TANGO2: variants seen among roughly 807,000 people sequenced by gnomAD.
TANGO2 encodes transport and golgi organization 2 homolog.
In TANGO2, 26 loss-of-function variants were observed where a neutral mutation model predicts 39.1. The ratio of observed to expected loss-of-function variants is 0.67; its 90% CI spans 0.49 to 0.92. The LOEUF (loss-of-function observed/expected upper bound fraction) is 0.92, where lower values mean the gene tolerates loss of function less well. Ranked by LOEUF, TANGO2 falls within the 40% of genes least tolerant of loss-of-function variation. The pLI is 0.00. For missense variants in TANGO2, 326 were observed against 360.1 expected, an observed-to-expected ratio of 0.91 and a Z score of 0.77; for synonymous variants, 131 against 144.5, an observed-to-expected ratio of 0.91 and a Z score of 0.67.
rs1440240243 is a variant in TANGO2, at chr22:20,066,609, G to A, written c.*1947G>A. Among the ~76,000 whole-genome samples, 5 of 152,184 alleles carry A rather than the reference G, an allele frequency of 3.3e-5. No individual in the cohort carries two copies. The highest frequency in any genetic ancestry group is 1.9e-4 in the East Asian group (1 of 5,180). On this transcript the variant is annotated 3_prime_UTR_variant, in exon 9 of 9. Coordinates refer to ENST00000327374, the MANE Select transcript of TANGO2 (RefSeq NM_152906.7). ...GAACTCAGAAGAGTTTCCCAGCTGCGACCCAGGCTGCACCCCCAGGCCTGA... is the reference window on the plus strand; with the variant it reads ...GAACTCAGAAGAGTTTCCCAGCTGCAACCCAGGCTGCACCCCCAGGCCTGA...
At chr22:20,061,384 G>A in intron 6 of TANGO2, 146 bp from the exon 7 acceptor site, 1 of 883,750 alleles carries the variant, frequency 1.1e-6, no homozygotes, top group Non-Finnish European at 1.7e-6. Context: ...CATGGGGAAG[G>A]AGCTGGAGCA....
chr22:20,042,166 T>TTG (rs2044088906), intron 2 of TANGO2, among the ~76,000 whole-genome samples: 1 of 151,750 alleles, frequency 6.6e-6, no homozygotes. Flanking sequence ...ATTTTTTTTT[T>TTG]GTAGATATGG....
At chr22:20,061,203 A>G in intron 6 of TANGO2, 1 of 211,838 alleles carries the variant, frequency 4.7e-6, no homozygotes. Flanking sequence ...TGAGGTGAAG[A>G]GGTTCCCTCT....
At chr22:20,049,570 G>GAATC (rs1053043988) in intron 3 of TANGO2, among the ~76,000 whole-genome samples, 1 of 150,768 alleles carries the variant, frequency 6.6e-6, no homozygotes, top group Admixed American at 6.7e-5. Flanking sequence ...TGAGGCAGGA[G>GAATC]AATCACTTGA....
At chr22:20,034,000 G>A (rs1276339761) in intron 1 of TANGO2, among the ~76,000 whole-genome samples, 5 of 152,242 alleles carry the variant, frequency 3.3e-5, no homozygotes, top group Non-Finnish European at 7.3e-5. Flanking sequence ...GAGGTCAGGA[G>A]TTGGAGACCA....
At chr22:20,040,589 C>T (rs970674688) in intron 2 of TANGO2, among the ~76,000 whole-genome samples, 1 of 152,226 alleles carries the variant, frequency 6.6e-6, no homozygotes, top group Non-Finnish European at 1.5e-5. Context: ...GACCCTGGCA[C>T]ATCCCCACCA....
chr22:20,052,639 G>C (rs2046583416), intron 4 of TANGO2, 55 bp downstream of exon 4: 1 of 1,536,074 alleles, frequency 6.5e-7, no homozygotes, highest in Admixed American at 2.0e-5. Context: ...GGCAGGCCTA[G>C]GTGAGACAAG....
At chr22:20,031,155 G>A (rs557631207) in intron 1 of TANGO2, among the ~76,000 whole-genome samples, 1 of 151,368 alleles carries the variant, frequency 6.6e-6, no homozygotes, top group East Asian at 1.9e-4. Flanking sequence ...CTGAGATCGC[G>A]CCGCTGCACT....
chr22:20,050,842 G>GTTT (rs200982438), intron 3 of TANGO2, among the ~76,000 whole-genome samples: 2 of 127,348 alleles, frequency 1.6e-5, no homozygotes, highest in Admixed American at 7.9e-5. Flanking sequence ...GTTTTGTTGG[G>GTTT]TTTTTTTTTT....
At chr22:20,056,161 T>C in intron 6 of TANGO2, 148 bp downstream of exon 6, 1 of 732,096 alleles carries the variant, frequency 1.4e-6, no homozygotes, top group South Asian at 1.5e-5. Flanking sequence ...GTGGGCACCT[T>C]GCCCTGCACC....
intron 2 of TANGO2, among the ~76,000 whole-genome samples, chr22:20,042,973 T>C (rs1418278802): frequency 6.6e-6 from 1 of 152,002 alleles, no homozygotes; most frequent in Non-Finnish European, 1.5e-5. Flanking sequence ...GGGTTTGTTG[T>C]GGGTGTTCCC....
At chr22:20,053,577 G>C in intron 5 of TANGO2, 26 bp downstream of exon 5, 2 of 1,482,026 alleles carry the variant, frequency 1.3e-6, no homozygotes, top group South Asian at 1.1e-5. Flanking sequence ...GGGGATGGCG[G>C]CTCTGCCCAG....
Position 20,066,087 on chromosome 22 carries a change from A to G in TANGO2, c.*1425A>G, listed in dbSNP as rs2049162577. On this transcript the variant is annotated 3_prime_UTR_variant, in exon 9 of 9. Transcript: ENST00000327374. ...TGGGTCAGTCCATCTGTCCATGGGC[A>G]GGGGCCGCTGTGAGAGACCCCATGC... is the stretch of plus-strand genomic sequence containing the variant. The G allele has an allele frequency of 6.6e-6, 1 of 152,238 alleles. No homozygotes were observed. Among genetic ancestry groups the G allele is most frequent in the African/African-American group, 2.4e-5 (1 of 41,410 alleles). 9.4% of individuals were successfully genotyped at this position (152,238 alleles called of 1,614,324 possible).
chr22:20,031,055 G>T (rs971386442), intron 1 of TANGO2, among the ~76,000 whole-genome samples: 1 of 152,074 alleles, frequency 6.6e-6, no homozygotes, highest in African/African-American at 2.4e-5. Flanking sequence ...AAAATTAGCT[G>T]GGTGTGATGG....
At chr22:20,052,863 AG>A (rs1436180304) in intron 4 of TANGO2, among the ~76,000 whole-genome samples, 2 of 152,146 alleles carry the variant, frequency 1.3e-5, no homozygotes, top group Non-Finnish European at 2.9e-5. Context: ...GCCCCGTGGC[AG>A]GTGGGTGGCT....
chr22:20,053,508 G>A lies in TANGO2; in HGVS notation c.337G>A (p.Gly113Ser). ...LSYLKKVSME[G>S]HLYNGFNLIA... Reference sequence around the variant, plus strand: ...CTACCTGAAGAAGGTCTCTATGGAGGGCCATCTGTACAATGGCTTCAACCT... The same window carrying A: ...CTACCTGAAGAAGGTCTCTATGGAGAGCCATCTGTACAATGGCTTCAACCT... Residue 113 changes from glycine to serine, a missense_variant, in exon 5 of 9, where the codon GGC becomes AGC. Gly to Ser is a moderately conservative substitution (Grantham distance 56). Transcript: ENST00000327374. The A allele has an allele frequency of 1.2e-6, 2 of 1,613,982 alleles. No homozygotes were observed. Among genetic ancestry groups the A allele is most frequent in the Non-Finnish European group, 1.7e-6 (2 of 1,179,884 alleles).
At chr22:20,032,169 T>C (rs2041988882) in intron 1 of TANGO2, among the ~76,000 whole-genome samples, 10 of 152,338 alleles carry the variant, frequency 6.6e-5, no homozygotes, top group Admixed American at 2.0e-4. Flanking sequence ...CAGCCAGGTT[T>C]TGCGTCACCT....
intron 6 of TANGO2, among the ~76,000 whole-genome samples, chr22:20,059,134 G>A (rs1377977447): frequency 6.6e-6 from 1 of 152,196 alleles, no homozygotes; most frequent in East Asian, 1.9e-4. Context: ...CAAGAGTTAG[G>A]AGGGTCTGAT....
chr22:20,059,105 T>C (rs1424940423), intron 6 of TANGO2, among the ~76,000 whole-genome samples: 1 of 152,022 alleles, frequency 6.6e-6, no homozygotes, highest in Non-Finnish European at 1.5e-5. Flanking sequence ...CCAGTCAGGG[T>C]TGTGGTGGTC....
Sources: gnomAD v4.1 joint callset for allele counts (sites outside exome capture counted in the v4.1 genomes callset) on GRCh38, gnomAD v4.1.1 for gene constraint, MANE v1.5 for transcripts, NCBI Gene and HGNC (gene_info 2026-07-23, HGNC 2026-07-21) for gene names.